CYB5RL: variants seen among roughly 807,000 people sequenced by gnomAD.
CYB5RL encodes cytochrome b5 reductase like, also known as NADH-cytochrome b5 reductase-like.
CYB5RL carries 38 observed loss-of-function variants against 37.5 expected under a neutral mutation model. That is an observed-to-expected ratio of 1.01 (90% CI 0.78 to 1.33). The LOEUF is 1.33. Among genes scored for constraint, CYB5RL ranks in the 40% most tolerant of loss-of-function variants. The pLI, the probability that CYB5RL is intolerant of heterozygous loss-of-function variation, is 0.00. For missense variants in CYB5RL, 388 were observed against 394.4 expected (o/e 0.98, Z 0.14); for synonymous variants, 141 against 151.9 (o/e 0.93, Z 0.53).
chr1:54,190,130 T>G (rs1476108358), intron 4 of CYB5RL, among the ~76,000 whole-genome samples: 2 of 152,162 alleles, frequency 1.3e-5, no homozygotes, highest in East Asian at 3.9e-4. Flanking sequence ...AAGGGTCTTG[T>G]CTCTGGGCAG....
At position 54,173,647 on chromosome 1, in the gene CYB5RL, T is replaced by G. The variant is rs1278983948; in HGVS notation, c.*972A>C. 1 of 152,602 alleles carries G rather than the reference T, an allele frequency of 6.6e-6. No homozygotes were observed. Among genetic ancestry groups the G allele is most frequent in the Non-Finnish European group, 1.5e-5 (1 of 68,060 alleles). The allele number at this position is 152,602 out of a possible 1,614,324, so 9.5% of individuals were successfully genotyped here. A position where few individuals can be genotyped will look rare whatever the true frequency, so the allele number is the denominator to read the frequency against. On this transcript the variant is annotated 3_prime_UTR_variant, in exon 8 of 8. Transcript: ENST00000534324. Reference sequence around the variant, plus strand: ...ACTCTAAGATTCCATGGCTTAATATTCCAATTCTGGGACTGCCTGTAGCTA... The same window carrying G: ...ACTCTAAGATTCCATGGCTTAATATGCCAATTCTGGGACTGCCTGTAGCTA...
At chr1:54,197,442 G>GC (rs896982195) in intron 1 of CYB5RL, among the ~76,000 whole-genome samples, 2 of 150,552 alleles carry the variant, frequency 1.3e-5, no homozygotes, top group Admixed American at 6.7e-5. Flanking sequence ...TCCTGCTTCA[G>GC]CCACCCAAGT....
At chr1:54,180,806 C>G (rs1660142340) in intron 6 of CYB5RL, among the ~76,000 whole-genome samples, 1 of 152,074 alleles carries the variant, frequency 6.6e-6, no homozygotes, top group African/African-American at 2.4e-5. Context: ...AACGCACTTC[C>G]CCATAACAGC....
At chr1:54,175,963 T>A (rs2100456455) in intron 7 of CYB5RL, among the ~76,000 whole-genome samples, 1 of 152,140 alleles carries the variant, frequency 6.6e-6, no homozygotes, top group African/African-American at 2.4e-5. Flanking sequence ...GAAAAAACCA[T>A]CTTACAAGCC....
Position 54,174,502 on chromosome 1 carries a change from C to A in CYB5RL, c.*117G>T. On this transcript the variant is annotated 3_prime_UTR_variant, in exon 8 of 8. Transcript: ENST00000534324. ...CAGTAAAGACACTTGCCCAAGGTCA[C>A]CTGGCAAATGAGCAGCAGGACCAGG... 2 of 1,249,202 alleles carry A rather than the reference C, an allele frequency of 1.6e-6. No individual in the cohort carries two copies. The highest frequency in any genetic ancestry group is 1.4e-5 in the South Asian group (1 of 73,940). 77.4% of individuals were successfully genotyped at this position (1,249,202 alleles called of 1,614,324 possible).
At position 54,173,596 on chromosome 1, in the gene CYB5RL, TACATTTC is replaced by T. The variant is rs1453172414; in HGVS notation, c.*1016_*1022del. ...CTTTCAGCTTTGATATGGTGAAGAGTACATTTCTATGACTATAAAAGTCTAACTCTAA... is the reference window on the plus strand; with the variant it reads ...CTTTCAGCTTTGATATGGTGAAGAGTTATGACTATAAAAGTCTAACTCTAA... On this transcript the variant is annotated 3_prime_UTR_variant, in exon 8 of 8. Coordinates refer to ENST00000534324, the MANE Select transcript of CYB5RL (RefSeq NM_001031672.4). The T allele has an allele frequency of 6.6e-6, 1 of 152,242 alleles. No individual in the cohort carries two copies. The highest frequency in any genetic ancestry group is 2.4e-5 in the African/African-American group (1 of 41,448). 9.4% of individuals were successfully genotyped at this position (152,242 alleles called of 1,614,324 possible).
intron 6 of CYB5RL, among the ~76,000 whole-genome samples, chr1:54,183,380 C>T (rs1660212166): frequency 6.6e-6 from 1 of 152,172 alleles, no homozygotes; most frequent in Non-Finnish European, 1.5e-5. Flanking sequence ...GATTTGAAGA[C>T]TCTTGGTACA....
At chr1:54,188,647 C>T (rs1321155720) in intron 4 of CYB5RL, among the ~76,000 whole-genome samples, 3 of 152,184 alleles carry the variant, frequency 2.0e-5, no homozygotes, top group Non-Finnish European at 2.9e-5. Context: ...AAACAACAAT[C>T]CAAATGAGGA....
At chr1:54,183,716 C>T (rs991030788) in intron 6 of CYB5RL, among the ~76,000 whole-genome samples, 16 of 152,180 alleles carry the variant, frequency 1.1e-4, no homozygotes, top group African/African-American at 3.9e-4. Flanking sequence ...TGGCTCACGC[C>T]TGTAACCCCA....
intron 6 of CYB5RL, among the ~76,000 whole-genome samples, chr1:54,182,040 C>T (rs147997597): frequency 1.1e-3 from 167 of 152,272 alleles, no homozygotes; most frequent in Non-Finnish European, 2.1e-3. Context: ...GGAGGCTCCA[C>T]CAGAAAAGGC....
intron 3 of CYB5RL, 73 bp from the exon 4 acceptor site, chr1:54,190,969 C>T: frequency 6.5e-7 from 1 of 1,542,912 alleles, no homozygotes; most frequent in Non-Finnish European, 8.7e-7. Flanking sequence ...GCATCCTTCC[C>T]ACTGTCCCCA....
chr1:54,179,770 G>A lies in CYB5RL; in HGVS notation c.541-418C>T, dbSNP rs188650012. Among the ~76,000 whole-genome samples the A allele has an allele frequency of 2.0e-4, 31 of 152,240 alleles. No homozygotes were observed. In the East Asian group the frequency reaches 4.4e-3, roughly 22 times the overall value. The stretch of plus-strand genomic sequence containing the variant: ...TGAGCTGAAACCTGCTCCCATCAAA[G>A]CCTTGCCCACTCCCAATGCCATTCC... On this transcript the variant is annotated intron_variant, in intron 6 of 7. Coordinates refer to ENST00000534324, the MANE Select transcript of CYB5RL (RefSeq NM_001031672.4).
Position 54,170,543 on chromosome 1 carries a change from T to C in CYB5RL, c.*4076A>G, listed in dbSNP as rs1477791862. 1 of 154,194 alleles carries C rather than the reference T, an allele frequency of 6.5e-6. No individual in the cohort carries two copies. Among genetic ancestry groups the C allele is most frequent in the Non-Finnish European group, 1.4e-5 (1 of 69,344 alleles). The allele number at this position is 154,194 out of a possible 1,614,324, so 9.6% of individuals were successfully genotyped here. A position where few individuals can be genotyped will look rare whatever the true frequency, so the allele number is the denominator to read the frequency against. The stretch of plus-strand genomic sequence containing the variant: ...CATTCTCCTGCCTCAGCCTCCCGAG[T>C]AGCTGGGACTATAGGCGCATGCCAC... On this transcript the variant is annotated 3_prime_UTR_variant, in exon 8 of 8. Transcript: ENST00000534324.
Position 54,181,204 on chromosome 1 carries a change from A to G in CYB5RL, c.541-1852T>C, listed in dbSNP as rs1459681661. On this transcript the variant is annotated intron_variant, in intron 6 of 7. Coordinates refer to ENST00000534324, the MANE Select transcript of CYB5RL (RefSeq NM_001031672.4). ...CATCCTAGCTCGGGCTATCCTTTGGAGGGCCTTTCCCAAGCCAGGGCAGGG... is the reference window on the plus strand; with the variant it reads ...CATCCTAGCTCGGGCTATCCTTTGGGGGGCCTTTCCCAAGCCAGGGCAGGG... Among the ~76,000 whole-genome samples the G allele has an allele frequency of 3.9e-5, 6 of 151,940 alleles. No homozygotes were observed. In the East Asian group the frequency reaches 1.2e-3, roughly 29 times the overall value.
At position 54,187,250 on chromosome 1, in the gene CYB5RL, G is replaced by T. The variant is rs1472039995; in HGVS notation, c.435+402C>A. ...CCTCTCCTCCTGGCTCTCAGGCTGG[G>T]TATAGTTCCTAGAAGACTTGTTCTA... On this transcript the variant is annotated intron_variant, in intron 5 of 7. Transcript: ENST00000534324. Among the ~76,000 whole-genome samples, 6 of 152,158 alleles carry T rather than the reference G, an allele frequency of 3.9e-5. No individual in the cohort carries two copies. In the Middle Eastern group the frequency reaches 0.014, roughly 345 times the overall value.
chr1:54,194,607 G>A (rs1431707397), intron 3 of CYB5RL, among the ~76,000 whole-genome samples: 2 of 151,878 alleles, frequency 1.3e-5, no homozygotes, highest in South Asian at 2.1e-4. Flanking sequence ...CCAAGAGTTC[G>A]AGACCAGCCC....
chr1:54,190,086 A>G (rs879020742), intron 4 of CYB5RL, among the ~76,000 whole-genome samples: 2 of 152,118 alleles, frequency 1.3e-5, no homozygotes, highest in Admixed American at 1.3e-4. Context: ...CACAGAGCCA[A>G]CAGCCTGGCA....
intron 3 of CYB5RL, among the ~76,000 whole-genome samples, chr1:54,191,150 C>T (rs1643950342): frequency 6.6e-6 from 1 of 152,164 alleles, no homozygotes; most frequent in Non-Finnish European, 1.5e-5. Flanking sequence ...GGGCTCCTTC[C>T]TTAGCTGCCC....
At chr1:54,198,630 C>CTTTT (rs145616563) in intron 1 of CYB5RL, among the ~76,000 whole-genome samples, 2 of 103,928 alleles carry the variant, frequency 1.9e-5, no homozygotes, top group African/African-American at 4.0e-5. Flanking sequence ...CATGCCCGGC[C>CTTTT]TTTTTTTTTT....
Sources: gnomAD v4.1 joint callset for allele counts (sites outside exome capture counted in the v4.1 genomes callset) on GRCh38, gnomAD v4.1.1 for gene constraint, MANE v1.5 for transcripts, NCBI Gene and HGNC (gene_info 2026-07-23, HGNC 2026-07-21) for gene names.